The following VAPB variants were observed in gnomAD, a reference collection of about 807,000 sequenced individuals.
VAPB encodes VAMP associated protein B and C.
In VAPB, 7 loss-of-function variants were observed where a neutral mutation model predicts 25.6. That is an observed-to-expected ratio of 0.27 (90% confidence interval 0.16 to 0.51). The LOEUF (loss-of-function observed/expected upper bound fraction) is 0.51, where lower values mean the gene tolerates loss of function less well. Among genes scored for constraint, VAPB ranks in the 20% least tolerant of loss-of-function variants. The probability of loss-of-function intolerance (pLI) is 0.97; values close to 1 mark genes in which losing one functional copy is unlikely to be tolerated. For missense variants in VAPB, 266 were observed against 301.3 expected, an observed-to-expected ratio of 0.88 and a Z score of 0.87; for synonymous variants, 112 against 109.2, an observed-to-expected ratio of 1.03 and a Z score of -0.16.
At chr20:58,434,764 T>TA (rs1989003379) in intron 3 of VAPB, 59 bp downstream of exon 3, 3 of 855,454 alleles carry the variant, frequency 3.5e-6, no homozygotes, top group South Asian at 1.4e-5. Context: ...ACCAATTAGA[T>TA]ATGGAATTGT....
At chr20:58,424,815 T>C (rs1409011007) in intron 2 of VAPB, among the ~76,000 whole-genome samples, 2 of 152,204 alleles carry the variant, frequency 1.3e-5, no homozygotes, top group African/African-American at 4.8e-5. Flanking sequence ...GTTTGTTTTC[T>C]AAGACAGAAT....
At chr20:58,401,897 C>G (rs1284195413) in intron 1 of VAPB, among the ~76,000 whole-genome samples, 3 of 152,184 alleles carry the variant, frequency 2.0e-5, no homozygotes, top group Non-Finnish European at 2.9e-5. Flanking sequence ...TACCTACATT[C>G]ATGCATTTGA....
chr20:58,439,339 G>A (rs1989113165), intron 4 of VAPB: 2 of 339,538 alleles, frequency 5.9e-6, no homozygotes, highest in East Asian at 6.3e-5. Context: ...GTGGGTGAGA[G>A]TGAAAGAGGG....
chr20:58,444,707 T>A lies in VAPB; in HGVS notation c.*472T>A, dbSNP rs547375662. ...CCCGGCCCAGGCTGCTTTCCGTGTC[T>A]TCAGTTCTGTCCAAGCCATCAGCTC... On this transcript the variant is annotated 3_prime_UTR_variant, in exon 6 of 6. Transcript: ENST00000475243. The A allele has an allele frequency of 6.6e-6, 3 of 454,484 alleles. No individual in the cohort carries two copies. Among genetic ancestry groups the A allele is most frequent in the African/African-American group, 6.0e-5 (3 of 50,132 alleles). The allele number at this position is 454,484 out of a possible 1,614,324, so 28.2% of individuals were successfully genotyped here. A position where few individuals can be genotyped will look rare whatever the true frequency, so the allele number is the denominator to read the frequency against.
chr20:58,438,675 A>T (rs1989097114), intron 3 of VAPB, among the ~76,000 whole-genome samples: 1 of 152,248 alleles, frequency 6.6e-6, no homozygotes, highest in Non-Finnish European at 1.5e-5. Flanking sequence ...GGCCTGTCCC[A>T]CAGAGTAGCA....
intron 5 of VAPB, among the ~76,000 whole-genome samples, chr20:58,441,461 G>A (rs965881567): frequency 2.6e-5 from 4 of 152,192 alleles, no homozygotes; most frequent in African/African-American, 9.6e-5. Flanking sequence ...CCAACAAAGT[G>A]AAACCCCGTC....
chr20:58,444,032 T>G, intron 5 of VAPB, 45 bp from the exon 6 acceptor site: 1 of 1,614,068 alleles, frequency 6.2e-7, no homozygotes, highest in Non-Finnish European at 8.5e-7. Context: ...GACTCCCCTT[T>G]CTGGTGCCTT....
rs372576897 is a variant in VAPB, at chr20:58,410,569, C to T, written c.59-7642C>T. 1.2e-3 allele frequency among the ~76,000 whole-genome samples: 181 copies of T among 152,024 alleles called. 2 individuals are homozygous for T. The highest frequency in any genetic ancestry group is 4.3e-3 in the African/African-American group (177 of 41,468). ...GTTGCTGGGATTACAGGTGTGTGCCCCCACACCTAGCCAATTTTTGTAGTT... is the reference window on the plus strand; with the variant it reads ...GTTGCTGGGATTACAGGTGTGTGCCTCCACACCTAGCCAATTTTTGTAGTT... On this transcript the variant is annotated intron_variant, in intron 1 of 5. Transcript: ENST00000475243.
At chr20:58,434,473 A>G (rs1249617631) in intron 2 of VAPB, 129 bp from the exon 3 acceptor site, 1 of 683,776 alleles carries the variant, frequency 1.5e-6, no homozygotes, top group East Asian at 2.8e-5. Flanking sequence ...TTACTTCACC[A>G]GGGGCGTCCA....
In VAPB at chr20:58,447,920, C is replaced by CA. The variant is rs1419795855; in HGVS notation, c.*3686dup. On this transcript the variant is annotated 3_prime_UTR_variant, in exon 6 of 6. Transcript: ENST00000475243. The stretch of plus-strand genomic sequence containing the variant: ...AGTGTCACTTTGAACACCTGAATAA[C>CA]ATTTAACTCCTGAGACCTTCTCGGT... 10 of 453,712 alleles carry CA rather than the reference C, an allele frequency of 2.2e-5. No homozygotes were observed. The highest frequency in any genetic ancestry group is 4.0e-5 in the Non-Finnish European group (9 of 226,686). The allele number at this position is 453,712 out of a possible 1,614,324, so 28.1% of individuals were successfully genotyped here.
intron 2 of VAPB, among the ~76,000 whole-genome samples, chr20:58,434,029 G>A (rs2123087885): frequency 6.6e-6 from 1 of 151,716 alleles, no homozygotes; most frequent in East Asian, 1.9e-4. Context: ...AGGTTCTTAG[G>A]GAAAAAAAAG....
intron 2 of VAPB, among the ~76,000 whole-genome samples, chr20:58,421,079 C>G (rs1267241919): frequency 1.3e-5 from 2 of 152,206 alleles, no homozygotes; most frequent in Non-Finnish European, 2.9e-5. Context: ...TTTACCCACT[C>G]TCTTCAAAGA....
At chr20:58,396,161 A>T (rs1214609358) in intron 1 of VAPB, among the ~76,000 whole-genome samples, 1 of 152,166 alleles carries the variant, frequency 6.6e-6, no homozygotes. Flanking sequence ...AAAGCTACAG[A>T]AATGCTTTCT....
chr20:58,415,843 T>A (rs1988527492), intron 1 of VAPB, among the ~76,000 whole-genome samples: 1 of 152,236 alleles, frequency 6.6e-6, no homozygotes, highest in African/African-American at 2.4e-5. Flanking sequence ...TGCTAATCCA[T>A]TAATACAGGG....
intron 1 of VAPB, among the ~76,000 whole-genome samples, chr20:58,405,978 A>G (rs1988221765): frequency 6.6e-6 from 1 of 151,968 alleles, no homozygotes; most frequent in Admixed American, 6.6e-5. Flanking sequence ...AATATAGAGG[A>G]ATGTAGATTA....
intron 2 of VAPB, among the ~76,000 whole-genome samples, chr20:58,433,917 C>T (rs1258871218): frequency 1.3e-5 from 2 of 152,140 alleles, no homozygotes; most frequent in African/African-American, 2.4e-5. Flanking sequence ...CCCAGCTGTA[C>T]TCTAGGAAGT....
chr20:58,435,793 T>A (rs1429758679), intron 3 of VAPB, among the ~76,000 whole-genome samples: 1 of 152,210 alleles, frequency 6.6e-6, no homozygotes, highest in Non-Finnish European at 1.5e-5. Context: ...ATGAAAACTT[T>A]CTCTGATTTT....
intron 1 of VAPB, among the ~76,000 whole-genome samples, chr20:58,414,103 C>T (rs1290468793): frequency 4.0e-5 from 4 of 100,214 alleles, no homozygotes; most frequent in Non-Finnish European, 6.4e-5. Context: ...ACCTCCCGGA[C>T]GGGGCGGCTG....
intron 1 of VAPB, among the ~76,000 whole-genome samples, chr20:58,409,677 G>A (rs558521606): frequency 6.6e-6 from 1 of 152,212 alleles, no homozygotes; most frequent in South Asian, 2.1e-4. Flanking sequence ...CTGTTGTGAA[G>A]CTAATAACTT....
Sources: allele counts gnomAD v4.1 joint callset (sites outside exome capture counted in the v4.1 genomes callset), GRCh38; gene constraint gnomAD v4.1.1; transcripts MANE v1.5; gene names NCBI Gene and HGNC (gene_info 2026-07-23, HGNC 2026-07-21).